The following TLL1 variants were observed in gnomAD, a reference collection of about 807,000 sequenced individuals.
The protein encoded by TLL1 is tolloid like 1.
Under a neutral mutation model 128.2 loss-of-function variants are expected in TLL1, and 49 were observed. The observed-to-expected ratio is 0.38, with a 90% CI of 0.30 to 0.48. The LOEUF (loss-of-function observed/expected upper bound fraction) is 0.48, where lower values mean the gene tolerates loss of function less well. TLL1 is among the 20% of genes least tolerant of loss of function. TLL1 has a pLI of 0.96. For synonymous variants in TLL1, 454 were observed against 418.8 expected (o/e 1.08, Z -1.03); for missense variants, 1,123 against 1,242.0 (o/e 0.90, Z 1.44).
At chr4:166,067,378 C>T (rs1017374041) in intron 16 of TLL1, among the ~76,000 whole-genome samples, 1 of 151,618 alleles carries the variant, frequency 6.6e-6, no homozygotes, top group Non-Finnish European at 1.5e-5. Flanking sequence ...ATTATAAAAA[C>T]AGATTATTCG....
At position 166,034,536 on chromosome 4, in the gene TLL1, C is replaced by A. The variant is rs181474214; in HGVS notation, c.1159-4803C>A. Among the ~76,000 whole-genome samples, 5 of 152,104 alleles carry A rather than the reference C, an allele frequency of 3.3e-5. No homozygotes were observed. The East Asian group carries it at 9.6e-4, about 29-fold the overall frequency. ...GCAAACTCTATTGAGATTACTATGG[C>A]CATAAAGTGTAGGATGAAATGGAGA... On this transcript the variant is annotated intron_variant, in intron 9 of 20. Transcript: ENST00000061240.
chr4:166,055,459 T>G (rs72974383), intron 13 of TLL1, among the ~76,000 whole-genome samples, 188 bp downstream of exon 13: 2,243 of 152,236 alleles, frequency 0.015, 68 homozygotes, highest in African/African-American at 0.051. Flanking sequence ...TAGCACAGGA[T>G]AGGAATTCCA....
intron 9 of TLL1, among the ~76,000 whole-genome samples, chr4:166,034,093 G>A (rs1245737195): frequency 6.6e-6 from 1 of 152,034 alleles, no homozygotes; most frequent in Non-Finnish European, 1.5e-5. Flanking sequence ...TAAAATAGAT[G>A]TATCTTTTGA....
At chr4:166,019,222 A>T (rs1260245165) in intron 8 of TLL1, among the ~76,000 whole-genome samples, 1 of 152,222 alleles carries the variant, frequency 6.6e-6, no homozygotes, top group African/African-American at 2.4e-5. Context: ...CAAATACTGC[A>T]TGTTCTCACT....
chr4:166,015,845 G>T (rs1304525404), intron 8 of TLL1, among the ~76,000 whole-genome samples: 7 of 147,046 alleles, frequency 4.8e-5, no homozygotes, highest in Admixed American at 6.9e-5. Context: ...AAGGAAAATT[G>T]TAAGAAATTA....
intron 9 of TLL1, among the ~76,000 whole-genome samples, chr4:166,033,734 C>T (rs571622124): frequency 2.6e-5 from 4 of 152,268 alleles, no homozygotes; most frequent in African/African-American, 9.6e-5. Flanking sequence ...AGAGGGATTT[C>T]TGTTCAATCT....
At chr4:166,011,272 G>A (rs547297230) in intron 7 of TLL1, among the ~76,000 whole-genome samples, 1 of 151,504 alleles carries the variant, frequency 6.6e-6, no homozygotes, top group South Asian at 2.1e-4. Flanking sequence ...ACAGTGTTAA[G>A]TGTTTCAATT....
At chr4:166,006,568 CATAG>C (rs1403868389) in intron 6 of TLL1, among the ~76,000 whole-genome samples, 2 of 151,636 alleles carry the variant, frequency 1.3e-5, no homozygotes, top group African/African-American at 4.8e-5. Flanking sequence ...AAAATCTGAT[CATAG>C]ATTTGTTATA....
chr4:166,058,015 C>T (rs1034050057), intron 14 of TLL1, among the ~76,000 whole-genome samples: 2 of 152,098 alleles, frequency 1.3e-5, no homozygotes, highest in Non-Finnish European at 2.9e-5. Flanking sequence ...ACATCTAGAC[C>T]TAGATTTATA....
At chr4:166,095,020 C>T (rs1322219256) in intron 19 of TLL1, among the ~76,000 whole-genome samples, 20 of 152,066 alleles carry the variant, frequency 1.3e-4, no homozygotes, top group Admixed American at 6.6e-5. Flanking sequence ...AGTCCAGTAC[C>T]GTATCTGTCA....
chr4:166,067,572 A>G (rs1238624259), intron 16 of TLL1, among the ~76,000 whole-genome samples: 1 of 151,766 alleles, frequency 6.6e-6, no homozygotes, highest in African/African-American at 2.4e-5. Context: ...ACTTGAGCCA[A>G]TAACAGGTAA....
intron 6 of TLL1, among the ~76,000 whole-genome samples, chr4:166,005,966 T>C (rs1737407406): frequency 6.6e-6 from 1 of 151,806 alleles, no homozygotes; most frequent in Admixed American, 6.6e-5. Flanking sequence ...GAAAAAAATC[T>C]ATTGGGTGAG....
At chr4:166,033,747 G>A (rs568402930) in intron 9 of TLL1, among the ~76,000 whole-genome samples, 22 of 152,212 alleles carry the variant, frequency 1.4e-4, no homozygotes, top group African/African-American at 5.3e-4. Flanking sequence ...TTCAATCTAA[G>A]GTTATCCTTG....
chr4:166,012,062 A>G (rs907337373), intron 7 of TLL1, among the ~76,000 whole-genome samples: 1 of 151,588 alleles, frequency 6.6e-6, no homozygotes, highest in African/African-American at 2.4e-5. Context: ...GGGTCTTTAT[A>G]TGAGTGACTA....
chr4:166,044,879 A>G (rs1739393301), intron 12 of TLL1, among the ~76,000 whole-genome samples: 1 of 152,244 alleles, frequency 6.6e-6, no homozygotes, highest in Non-Finnish European at 1.5e-5. Context: ...CAGAAAATGC[A>G]TTCATTCCAT....
rs146553569 is a variant in TLL1 at position 166,087,057 on chromosome 4, T to A, written c.2443-4071T>A. On this transcript the variant is annotated intron_variant, in intron 18 of 20. Coordinates refer to ENST00000061240, the MANE Select transcript of TLL1 (RefSeq NM_012464.5). The stretch of plus-strand genomic sequence containing the variant: ...TACAAGTATCTGTTATCCCTGTTTT[T>A]ATCCTGTCTTGGTTCTGAAAGACTC... Among the ~76,000 whole-genome samples the A allele has an allele frequency of 2.4e-3, 367 of 152,294 alleles. 2 individuals carry two copies. The highest frequency in any genetic ancestry group is 5.7e-3 in the Admixed American group (87 of 15,292).
At chr4:166,075,249 G>T (rs1209642833) in intron 17 of TLL1, among the ~76,000 whole-genome samples, 1 of 152,156 alleles carries the variant, frequency 6.6e-6, no homozygotes, top group Non-Finnish European at 1.5e-5. Context: ...GATACCATCT[G>T]GTAGCCAGAA....
intron 17 of TLL1, 86 bp from the exon 18 acceptor site, chr4:166,077,817 G>A (rs1741104127): frequency 6.3e-7 from 1 of 1,587,288 alleles, no homozygotes; most frequent in Admixed American, 1.7e-5. Context: ...TCTTTCAACA[G>A]GGCAGTGGGT....
intron 1 of TLL1, among the ~76,000 whole-genome samples, chr4:165,939,044 T>C (rs1170735673): frequency 6.6e-6 from 1 of 152,010 alleles, no homozygotes; most frequent in Admixed American, 6.6e-5. Flanking sequence ...TTCTCAGCTA[T>C]CTGATGGTTC....
Sources: gnomAD v4.1 joint callset for allele counts (sites outside exome capture counted in the v4.1 genomes callset) on GRCh38, gnomAD v4.1.1 for gene constraint, MANE v1.5 for transcripts, NCBI Gene and HGNC (gene_info 2026-07-23, HGNC 2026-07-21) for gene names.